HELZ: variants seen among roughly 807,000 people sequenced by gnomAD.
The protein encoded by HELZ is ATP-dependent RNA helicase with zinc finger domain.
A neutral mutation model predicts 218.2 loss-of-function variants in HELZ; 23 were observed. The observed-to-expected ratio is 0.11, with a 90% confidence interval of 0.08 to 0.15. HELZ has a LOEUF of 0.15. HELZ is among the 10% of genes least tolerant of loss of function. The pLI is 1.00. For missense variants in HELZ, 1,813 were observed against 2,353.7 expected, an observed-to-expected ratio of 0.77 and a Z score of 4.75; for synonymous variants, 814 against 829.4, an observed-to-expected ratio of 0.98 and a Z score of 0.32.
intron 32 of HELZ, among the ~76,000 whole-genome samples, chr17:67,080,927 C>T (rs1214738847): frequency 6.6e-6 from 1 of 152,064 alleles, no homozygotes; most frequent in Non-Finnish European, 1.5e-5. Context: ...TACAGAAACC[C>T]CACCCATCAC....
At chr17:67,195,543 A>C (rs1308631003) in intron 7 of HELZ, 73 bp from the exon 8 acceptor site, 1 of 832,028 alleles carries the variant, frequency 1.2e-6, no homozygotes, top group Non-Finnish European at 2.1e-6. Context: ...GAACATTTTC[A>C]ATATTAAAAC....
chr17:67,240,778 C>T (rs1385563401), intron 2 of HELZ, among the ~76,000 whole-genome samples: 2 of 152,192 alleles, frequency 1.3e-5, no homozygotes, highest in East Asian at 3.8e-4. Context: ...CAAACAACTT[C>T]CTGCTCTTAC....
intron 24 of HELZ, among the ~76,000 whole-genome samples, chr17:67,125,718 G>A (rs1028969724): frequency 6.6e-6 from 1 of 152,186 alleles, no homozygotes. Context: ...AATATGTTAT[G>A]TGGCAAAAGG....
intron 24 of HELZ, 24 bp from the exon 25 acceptor site, chr17:67,124,038 T>C: frequency 6.9e-7 from 1 of 1,457,290 alleles, no homozygotes; most frequent in Non-Finnish European, 9.6e-7. Context: ...CACAAATGTA[T>C]AATAATTTAA....
Position 67,071,727 on chromosome 17 carries a change from A to G in HELZ, c.*6525T>C, listed in dbSNP as rs1213470274. ...CCCAAAGACCTGACAGGTTTATTAT[A>G]TTATAGGCAGTTTCTTTCTCAAAAA... On this transcript the variant is annotated 3_prime_UTR_variant, in exon 33 of 33. Coordinates refer to ENST00000358691, the MANE Select transcript of HELZ (RefSeq NM_014877.4). The G allele has an allele frequency of 6.6e-6, 1 of 152,254 alleles. No individual in the cohort carries two copies. The highest frequency in any genetic ancestry group is 1.5e-5 in the Non-Finnish European group (1 of 68,048). The allele number at this position is 152,254 out of a possible 1,614,324, so 9.4% of individuals were successfully genotyped here. A position where few individuals can be genotyped will look rare whatever the true frequency, so the allele number is the denominator to read the frequency against.
rs1303880598 is a variant in HELZ, at chr17:67,160,254, A to G, written c.2177+7T>C. ...TACAGATACATAATAAGCCTTAAAA[A>G]AAATACCTGAGAGGTCTTGCCTGGG... On this transcript the variant is annotated splice_region_variant and intron_variant, in intron 17 of 32. Coordinates refer to ENST00000358691, the MANE Select transcript of HELZ (RefSeq NM_014877.4). The G allele has an allele frequency of 1.3e-6, 2 of 1,533,550 alleles. No individual in the cohort carries two copies. The highest frequency in any genetic ancestry group is 1.8e-6 in the Non-Finnish European group (2 of 1,107,166). The allele number at this position is 1,533,550 out of a possible 1,614,324, so 95.0% of individuals were successfully genotyped here. A position where few individuals can be genotyped will look rare whatever the true frequency, so the allele number is the denominator to read the frequency against.
chr17:67,106,545 G>T lies in HELZ; in HGVS notation c.5241+624C>A, dbSNP rs1046099038. 6.0e-4 allele frequency among the ~76,000 whole-genome samples: 91 copies of T among 152,128 alleles called. 1 individual carries two copies. The highest frequency in any genetic ancestry group is 2.0e-4 in the Admixed American group (3 of 15,278). On this transcript the variant is annotated intron_variant, in intron 31 of 32. Coordinates refer to ENST00000358691, the MANE Select transcript of HELZ (RefSeq NM_014877.4). ...GATGGTCTCGATCTCCTGACCTCGT[G>T]ATCTGCCCGCCTCGGCCTCCCCAAG...
At chr17:67,114,921 G>C (rs773969163) in intron 27 of HELZ, among the ~76,000 whole-genome samples, 1 of 152,164 alleles carries the variant, frequency 6.6e-6, no homozygotes, top group Non-Finnish European at 1.5e-5. Context: ...ATAAATAGTA[G>C]AGCAGGCAAA....
Position 67,107,545 on chromosome 17 carries a change from G to T in HELZ, c.4865C>A (p.Pro1622Gln). 2 of 1,614,158 alleles carry T rather than the reference G, an allele frequency of 1.2e-6. No homozygotes were observed. The highest frequency in any genetic ancestry group is 1.7e-6 in the Non-Finnish European group (2 of 1,180,030). ...SRSPPAVPSPPSSTDHSSHFS... is the reference protein window; with the variant it reads ...SRSPPAVPSPQSSTDHSSHFS... ...GTGGCTACTGTGGTCTGTACTGGAT[G>T]GGGGAGATGGGACTGCTGGTGGGCT... is the stretch of plus-strand genomic sequence containing the variant. The change falls in exon 31 of 33, where the codon CCA (proline) becomes CAA (glutamine). Residue 1622 changes from proline to glutamine, a missense_variant. Coordinates refer to ENST00000358691, the MANE Select transcript of HELZ (RefSeq NM_014877.4).
intron 31 of HELZ, among the ~76,000 whole-genome samples, chr17:67,101,949 G>A (rs1344244171): frequency 6.6e-6 from 1 of 152,188 alleles, no homozygotes; most frequent in African/African-American, 2.4e-5. Context: ...GGAGAAGATG[G>A]CACTTTGCCC....
intron 32 of HELZ, among the ~76,000 whole-genome samples, chr17:67,079,339 C>T (rs1286211847): frequency 6.6e-6 from 1 of 152,278 alleles, no homozygotes; most frequent in South Asian, 2.1e-4. Flanking sequence ...CTTCTAAATA[C>T]CAGAGATAAG....
At chr17:67,137,194 T>G (rs2143948347) in intron 22 of HELZ, among the ~76,000 whole-genome samples, 1 of 152,274 alleles carries the variant, frequency 6.6e-6, no homozygotes, top group South Asian at 2.1e-4. Flanking sequence ...ATGACAAATC[T>G]CAATACAATG....
In HELZ at chr17:67,109,677, C is replaced by T; in HGVS notation, c.3928G>A (p.Glu1310Lys). Residue 1310 changes from glutamate to lysine, a missense_variant, in exon 29 of 33, where the codon GAA (glutamate) becomes AAA (lysine). Glu to Lys is a moderately conservative substitution (Grantham distance 56). Transcript: ENST00000358691. ...KPTEPKQVDL[E>K]SNPQNRSPES... ...GGACTTCTGTTCTGTGGATTTGATT[C>T]CAAATCAACCTAGAAAAAAAGAAGA... 1 of 1,599,940 alleles carries T rather than the reference C, an allele frequency of 6.3e-7. No homozygotes were observed.
intron 3 of HELZ, among the ~76,000 whole-genome samples, chr17:67,226,653 C>A (rs751194969): frequency 1.0e-3 from 153 of 152,110 alleles, no homozygotes; most frequent in Admixed American, 2.6e-3. Flanking sequence ...CCCTCAGATA[C>A]CACAGAGAAA....
chr17:67,081,230 G>C (rs933449228), intron 32 of HELZ, among the ~76,000 whole-genome samples: 8 of 152,152 alleles, frequency 5.3e-5, no homozygotes, highest in African/African-American at 1.9e-4. Flanking sequence ...TACTCAGATA[G>C]TGTGAACTAC....
At chr17:67,149,456 T>A (rs111417694) in intron 19 of HELZ, among the ~76,000 whole-genome samples, 5,016 of 152,264 alleles carry the variant, frequency 0.033, 263 homozygotes, top group African/African-American at 0.11. Context: ...ATTTAAGCCC[T>A]CTATTTCCTA....
intron 31 of HELZ, among the ~76,000 whole-genome samples, chr17:67,089,668 T>TATAGAG (rs71293575): frequency 3.0e-4 from 21 of 70,636 alleles, no homozygotes; most frequent in African/African-American, 1.2e-3. Flanking sequence ...TATATATATA[T>TATAGAG]AGAGAGAGAG....
intron 23 of HELZ, among the ~76,000 whole-genome samples, chr17:67,134,075 T>C (rs1442752446): frequency 6.6e-6 from 1 of 152,196 alleles, no homozygotes; most frequent in Non-Finnish European, 1.5e-5. Context: ...CTTCTATTCA[T>C]TTGTAACTCA....
chr17:67,096,993 T>C (rs75878464), intron 31 of HELZ, among the ~76,000 whole-genome samples: 7,658 of 152,276 alleles, frequency 0.05, 666 homozygotes, highest in African/African-American at 0.18. Context: ...TTCTAGTTTT[T>C]GATTTAAAGT....
Sources: gnomAD v4.1 joint callset for allele counts (sites outside exome capture counted in the v4.1 genomes callset) on GRCh38, gnomAD v4.1.1 for gene constraint, MANE v1.5 for transcripts, NCBI Gene and HGNC (gene_info 2026-07-23, HGNC 2026-07-21) for gene names.